Variants in LGSN observed in about 807,000 individuals in gnomAD.
The protein encoded by LGSN is lengsin.
A neutral mutation model predicts 19.5 loss-of-function variants in LGSN; 21 were observed. The ratio of observed to expected loss-of-function variants is 1.07; its 90% CI spans 0.76 to 1.55. The LOEUF (loss-of-function observed/expected upper bound fraction) is 1.55, where lower values mean the gene tolerates loss of function less well. Among genes scored for constraint, LGSN ranks in the 40% most tolerant of loss-of-function variants. LGSN has a pLI of 0.00. For synonymous variants in LGSN, 257 were observed against 215.6 expected, an observed-to-expected ratio of 1.19 and a Z score of -1.68; for missense variants, 673 against 608.5, an observed-to-expected ratio of 1.11 and a Z score of -1.12.
rs1582010897 is a variant in LGSN at position 63,276,991 on chromosome 6, A to G, written c.*3030T>C. On this transcript the variant is annotated 3_prime_UTR_variant, in exon 4 of 4. Coordinates refer to ENST00000370657, the MANE Select transcript of LGSN (RefSeq NM_016571.3). ...CAAGAATATACATCAGCACACACCT[A>G]ACTGAAATCTTGGTGGAAACTGCCA... The G allele has an allele frequency of 1.3e-5, 2 of 148,998 alleles. No homozygotes were observed. The highest frequency in any genetic ancestry group is 3.9e-4 in the East Asian group (2 of 5,072). The allele number at this position is 148,998 out of a possible 1,614,324, so 9.2% of individuals were successfully genotyped here.
the LGSN span, among the ~76,000 whole-genome samples, chr6:63,462,793 C>CT: frequency 0.55 from 83,614 of 151,836 alleles, 23,203 homozygotes; most frequent in Middle Eastern, 0.58. Flanking sequence ...AATCTTGCTT[C>CT]GTCTACATAA....
At chr6:63,357,773 A>T in the LGSN span, among the ~76,000 whole-genome samples, 31 of 152,080 alleles carry the variant, frequency 2.0e-4, no homozygotes, top group South Asian at 8.3e-4. Context: ...TTTCTCCCAT[A>T]CTGTAGGTTG....
the LGSN span, among the ~76,000 whole-genome samples, chr6:63,397,899 C>T: frequency 6.6e-6 from 1 of 151,774 alleles, no homozygotes; most frequent in Non-Finnish European, 1.5e-5. Flanking sequence ...AAGATCATGC[C>T]ACTGCACTCC....
At chr6:63,444,959 G>T in the LGSN span, among the ~76,000 whole-genome samples, 1 of 152,208 alleles carries the variant, frequency 6.6e-6, no homozygotes, top group Non-Finnish European at 1.5e-5. Flanking sequence ...GCTGATGCAA[G>T]GTCTGGGCAT....
the LGSN span, among the ~76,000 whole-genome samples, chr6:63,367,708 T>TA: frequency 6.9e-6 from 1 of 144,690 alleles, no homozygotes; most frequent in Non-Finnish European, 1.5e-5. Context: ...CCAACAATGA[T>TA]AGAGTGGATT....
At chr6:63,509,527 A>T in the LGSN span, among the ~76,000 whole-genome samples, 1 of 152,132 alleles carries the variant, frequency 6.6e-6, no homozygotes, top group East Asian at 1.9e-4. Flanking sequence ...AAATATATCA[A>T]ATATTAATTA....
chr6:63,537,674 ACAAT>A, the LGSN span, among the ~76,000 whole-genome samples: 18 of 152,270 alleles, frequency 1.2e-4, no homozygotes, highest in Non-Finnish European at 2.5e-4. Flanking sequence ...CAAGCTGAGT[ACAAT>A]CAGTCAAGGT....
intron 1 of LGSN, 103 bp from the exon 2 acceptor site, chr6:63,295,148 A>T (rs1767935329): frequency 1.9e-6 from 2 of 1,036,054 alleles, no homozygotes; most frequent in Non-Finnish European, 2.9e-6. Context: ...TTTAATGAGC[A>T]TAGAAGACTT....
chr6:63,555,696 T>TA, the LGSN span, among the ~76,000 whole-genome samples: 1 of 149,938 alleles, frequency 6.7e-6, no homozygotes, highest in Non-Finnish European at 1.5e-5. Context: ...TACACTCTTT[T>TA]TTTTTTTTTT....
intron 2 of LGSN, among the ~76,000 whole-genome samples, chr6:63,288,617 T>C (rs917537707): frequency 2.6e-5 from 4 of 152,222 alleles, no homozygotes; most frequent in Admixed American, 2.0e-4. Flanking sequence ...AAAGCTACTA[T>C]GACAAATGCC....
chr6:63,472,160 A>C, the LGSN span, among the ~76,000 whole-genome samples: 1 of 152,170 alleles, frequency 6.6e-6, no homozygotes, highest in African/African-American at 2.4e-5. Context: ...TCTTGTGTCT[A>C]ATGAGAAGGC....
chr6:63,325,139 A>G, the LGSN span, among the ~76,000 whole-genome samples: 1 of 151,662 alleles, frequency 6.6e-6, no homozygotes, highest in Non-Finnish European at 1.5e-5. Context: ...AAATTTTCAA[A>G]TATATAATCT....
At chr6:63,528,842 T>G in the LGSN span, among the ~76,000 whole-genome samples, 1 of 152,024 alleles carries the variant, frequency 6.6e-6, no homozygotes, top group Admixed American at 6.6e-5. Context: ...TTTATAAAAA[T>G]ATTTGGGAGG....
the LGSN span, among the ~76,000 whole-genome samples, chr6:63,488,681 G>A: frequency 6.6e-6 from 1 of 152,118 alleles, no homozygotes; most frequent in Admixed American, 6.6e-5. Flanking sequence ...AGCTGGGCAT[G>A]GTGGCAGGTG....
chr6:63,326,274 T>G, the LGSN span, among the ~76,000 whole-genome samples: 7 of 152,036 alleles, frequency 4.6e-5, no homozygotes. Context: ...CTGATTGGTG[T>G]GTTTACAAAC....
chr6:63,384,185 T>A, the LGSN span, among the ~76,000 whole-genome samples: 1 of 152,200 alleles, frequency 6.6e-6, no homozygotes, highest in Non-Finnish European at 1.5e-5. Flanking sequence ...AGGGCCCTGA[T>A]TTCATTTGAT....
chr6:63,359,411 C>T, the LGSN span, among the ~76,000 whole-genome samples: 1 of 152,168 alleles, frequency 6.6e-6, no homozygotes, highest in Admixed American at 6.5e-5. Context: ...AGGAATGGTA[C>T]CAGGTCCTCC....
the LGSN span, among the ~76,000 whole-genome samples, chr6:63,331,610 A>C: frequency 1.5e-3 from 227 of 152,246 alleles, no homozygotes; most frequent in African/African-American, 5.2e-3. Context: ...TGATCGGAAT[A>C]GTTGTGCTCA....
At chr6:63,314,022 G>T (rs1033232938) in intron 1 of LGSN, among the ~76,000 whole-genome samples, 1 of 152,040 alleles carries the variant, frequency 6.6e-6, no homozygotes, top group African/African-American at 2.4e-5. Context: ...ATCTGGGATT[G>T]AAATAAAGGA....
Sources: allele counts gnomAD v4.1 joint callset (sites outside exome capture counted in the v4.1 genomes callset), GRCh38; gene constraint gnomAD v4.1.1; transcripts MANE v1.5; gene names NCBI Gene and HGNC (gene_info 2026-07-23, HGNC 2026-07-21).